The following ALPK1 variants were observed in gnomAD, a reference collection of about 807,000 sequenced individuals.
The protein encoded by ALPK1 is alpha-protein kinase 1.
Under a neutral mutation model 120.6 loss-of-function variants are expected in ALPK1, and 110 were observed. The ratio of observed to expected loss-of-function variants is 0.91; its 90% CI spans 0.78 to 1.07. The LOEUF (loss-of-function observed/expected upper bound fraction) is 1.07. Ranked by LOEUF, ALPK1 falls within the 50% of genes least tolerant of loss-of-function variation. The probability of loss-of-function intolerance (pLI) is 0.00; values close to 1 mark genes in which losing one functional copy is unlikely to be tolerated. For missense variants in ALPK1, 1,498 were observed against 1,483.9 expected (o/e 1.01, Z -0.16); for synonymous variants, 582 against 560.3 (o/e 1.04, Z -0.55).
intron 2 of ALPK1, among the ~76,000 whole-genome samples, chr4:112,354,389 A>G (rs974743150): frequency 2.0e-5 from 3 of 152,060 alleles, no homozygotes; most frequent in African/African-American, 7.2e-5. Context: ...AATGCCATAT[A>G]CTGAGCTCTA....
At chr4:112,398,722 G>C (rs1212486120) in intron 4 of ALPK1, among the ~76,000 whole-genome samples, 1 of 152,146 alleles carries the variant, frequency 6.6e-6, no homozygotes. Context: ...AGGAACACCA[G>C]AGGCAAGAGC....
chr4:112,423,491 G>A lies in ALPK1; in HGVS notation c.476-453G>A, dbSNP rs574351813. Reference sequence around the variant, plus strand: ...CCATAGAATAGGCCCTTCCTATGTGGTAGTAACAAAAATAAGTAAAAACTT... The same window carrying A: ...CCATAGAATAGGCCCTTCCTATGTGATAGTAACAAAAATAAGTAAAAACTT... On this transcript the variant is annotated intron_variant, in intron 5 of 15. Coordinates refer to ENST00000650871, the MANE Select transcript of ALPK1 (RefSeq NM_025144.4). 4.6e-5 allele frequency among the ~76,000 whole-genome samples: 7 copies of A among 152,276 alleles called. No homozygotes were observed. In the South Asian group the frequency reaches 1.5e-3, roughly 32 times the overall value.
intron 2 of ALPK1, among the ~76,000 whole-genome samples, chr4:112,344,066 T>G (rs1729998224): frequency 6.6e-6 from 1 of 152,216 alleles, no homozygotes; most frequent in Non-Finnish European, 1.5e-5. Flanking sequence ...AGAGGCTTTT[T>G]GATTGAGGTT....
rs1377422276 is a variant in ALPK1 at position 112,405,782 on chromosome 4, G to A, written c.277-6045G>A. Reference sequence around the variant, plus strand: ...AGTAGAGACGGGGTTTCACTACGTTGGCCAGGCTGGTCTTGAACTCCTGGC... The same window carrying A: ...AGTAGAGACGGGGTTTCACTACGTTAGCCAGGCTGGTCTTGAACTCCTGGC... On this transcript the variant is annotated intron_variant, in intron 4 of 15. Transcript: ENST00000650871. Among the ~76,000 whole-genome samples, 5 of 152,132 alleles carry A rather than the reference G, an allele frequency of 3.3e-5. No individual in the cohort carries two copies. In the East Asian group the frequency reaches 9.7e-4, roughly 29 times the overall value.
chr4:112,345,618 T>C (rs1730068891), intron 2 of ALPK1, among the ~76,000 whole-genome samples: 1 of 152,188 alleles, frequency 6.6e-6, no homozygotes. Context: ...ACCATTCCTT[T>C]TTGTTGGGGT....
chr4:112,300,331 C>A (rs1044376285), intron 1 of ALPK1, among the ~76,000 whole-genome samples: 2 of 152,044 alleles, frequency 1.3e-5, no homozygotes, highest in South Asian at 4.2e-4. Context: ...CCTTCTATTT[C>A]TTTCTACATA....
chr4:112,335,874 C>T (rs1340124084), intron 2 of ALPK1, among the ~76,000 whole-genome samples: 10 of 152,100 alleles, frequency 6.6e-5, no homozygotes, highest in Admixed American at 6.5e-4. Flanking sequence ...TGATTCATCC[C>T]TTGCGTTCTT....
intron 2 of ALPK1, among the ~76,000 whole-genome samples, chr4:112,327,795 G>C (rs1729181592): frequency 6.6e-6 from 1 of 152,172 alleles, no homozygotes; most frequent in Non-Finnish European, 1.5e-5. Context: ...TTTCTAACAA[G>C]TTAAGAAATA....
chr4:112,342,641 G>A (rs1729909602), intron 2 of ALPK1, among the ~76,000 whole-genome samples: 1 of 152,064 alleles, frequency 6.6e-6, no homozygotes, highest in South Asian at 2.1e-4. Flanking sequence ...CTTTCATTTT[G>A]CCTAACTAGT....
chr4:112,297,943 A>G (rs1345235912), intron 1 of ALPK1, among the ~76,000 whole-genome samples: 3 of 152,176 alleles, frequency 2.0e-5, no homozygotes, highest in African/African-American at 7.2e-5. Flanking sequence ...GCTAGGAAAC[A>G]GGTAGATAAG....
intron 2 of ALPK1, among the ~76,000 whole-genome samples, chr4:112,375,870 T>A (rs964843211): frequency 2.0e-5 from 3 of 152,142 alleles, no homozygotes; most frequent in African/African-American, 7.2e-5. Context: ...TGACTTAAAG[T>A]GTGAGATGTG....
chr4:112,337,194 A>T (rs7683120), intron 2 of ALPK1, among the ~76,000 whole-genome samples: 3,008 of 152,222 alleles, frequency 0.02, 48 homozygotes, highest in Non-Finnish European at 0.031. Flanking sequence ...TAAAAAATAT[A>T]TATGTTTATG....
chr4:112,398,789 G>A (rs1021389927), intron 4 of ALPK1, among the ~76,000 whole-genome samples: 29 of 152,160 alleles, frequency 1.9e-4, no homozygotes, highest in African/African-American at 6.5e-4. Flanking sequence ...GGGTGCCCTG[G>A]AGGAGATGAA....
At chr4:112,383,621 G>A (rs1247981131) in intron 4 of ALPK1, 1 of 152,030 alleles carries the variant, frequency 6.6e-6, no homozygotes, top group African/African-American at 2.4e-5. Context: ...GGTGAGCCAG[G>A]GTTTTAAATA....
At chr4:112,346,282 G>T (rs6533605) in intron 2 of ALPK1, among the ~76,000 whole-genome samples, 105,363 of 152,092 alleles carry the variant, frequency 0.69, 36,925 homozygotes, top group East Asian at 0.9. Context: ...GGGACTTTGA[G>T]TTTTAAGAAA....
intron 8 of ALPK1, 86 bp downstream of exon 8, chr4:112,426,629 T>C (rs1734249193): frequency 1.1e-5 from 12 of 1,131,252 alleles, no homozygotes; most frequent in Non-Finnish European, 1.3e-5. Context: ...ATTTCTCATA[T>C]ATCAATTTCA....
intron 2 of ALPK1, among the ~76,000 whole-genome samples, chr4:112,371,891 C>T (rs577258794): frequency 6.6e-6 from 1 of 152,126 alleles, no homozygotes; most frequent in Non-Finnish European, 1.5e-5. Context: ...CAATAAACAA[C>T]ATGGTCTATT....
At chr4:112,348,521 C>CA (rs1401803393) in intron 2 of ALPK1, among the ~76,000 whole-genome samples, 3 of 152,272 alleles carry the variant, frequency 2.0e-5, no homozygotes, top group Admixed American at 6.5e-5. Flanking sequence ...GCTTGTCTTA[C>CA]AGAGTCCCTT....
chr4:112,377,233 G>A (rs1321411596), intron 2 of ALPK1, among the ~76,000 whole-genome samples: 1 of 152,146 alleles, frequency 6.6e-6, no homozygotes, highest in East Asian at 1.9e-4. Flanking sequence ...TAAATATTAT[G>A]AAGAATACTG....
Sources: allele counts gnomAD v4.1 joint callset (sites outside exome capture counted in the v4.1 genomes callset), GRCh38; gene constraint gnomAD v4.1.1; transcripts MANE v1.5; gene names NCBI Gene and HGNC (gene_info 2026-07-23, HGNC 2026-07-21).